Variants in RARB observed in about 807,000 individuals in gnomAD.
RARB encodes the protein HBV-activated protein.
A neutral mutation model predicts 51.9 loss-of-function variants in RARB; 17 were observed. That is an observed-to-expected ratio of 0.33 (90% CI 0.22 to 0.49). RARB has a LOEUF of 0.49. Among genes scored for constraint, RARB ranks in the 20% least tolerant of loss-of-function variants. RARB has a pLI of 0.99. For missense variants in RARB, 369 were observed against 550.8 expected (o/e 0.67, Z 3.30); for synonymous variants, 215 against 195.4 (o/e 1.10, Z -0.84).
At chr3:25,108,224 A>G (rs949617463) in intron 3 of RARB, among the ~76,000 whole-genome samples, 11 of 152,156 alleles carry the variant, frequency 7.2e-5, no homozygotes, top group African/African-American at 2.4e-4. Context: ...AACATTTTGG[A>G]CGATGGTTGA....
intron 3 of RARB, among the ~76,000 whole-genome samples, chr3:25,115,922 T>C (rs1699680476): frequency 6.6e-6 from 1 of 152,150 alleles, no homozygotes; most frequent in Non-Finnish European, 1.5e-5. Context: ...TGAGGCTCCA[T>C]GCCTGGCCCA....
At chr3:25,250,886 G>A (rs146868787) in intron 5 of RARB, among the ~76,000 whole-genome samples, 101 of 152,296 alleles carry the variant, frequency 6.6e-4, no homozygotes, top group African/African-American at 2.4e-3. Flanking sequence ...GGAGTCTGTG[G>A]TGGGAATCTG....
chr3:25,592,428 A>G (rs1446313442), intron 5 of RARB, among the ~76,000 whole-genome samples: 1 of 152,106 alleles, frequency 6.6e-6, no homozygotes, highest in Non-Finnish European at 1.5e-5. Flanking sequence ...AAGTATGGAA[A>G]CCTGGTCAGC....
intron 4 of RARB, among the ~76,000 whole-genome samples, chr3:25,155,483 T>C (rs1422134292): frequency 6.6e-6 from 1 of 152,196 alleles, no homozygotes; most frequent in Non-Finnish European, 1.5e-5. Context: ...AAACTATCCG[T>C]TTATGAAATA....
chr3:24,966,638 C>CTCTG (rs58610306), intron 2 of RARB, among the ~76,000 whole-genome samples: 5,801 of 150,540 alleles, frequency 0.039, 353 homozygotes, highest in African/African-American at 0.13. Context: ...CTCTCTCTCT[C>CTCTG]TCTCTCTGAA....
At chr3:25,556,521 A>C (rs1223844129) in intron 3 of RARB, among the ~76,000 whole-genome samples, 3 of 152,186 alleles carry the variant, frequency 2.0e-5, no homozygotes, top group Non-Finnish European at 4.4e-5. Flanking sequence ...AAAAAGCAAA[A>C]AGTTTTAAGA....
intron 2 of RARB, among the ~76,000 whole-genome samples, chr3:24,973,943 TC>T (rs1338429194): frequency 6.6e-6 from 1 of 152,108 alleles, no homozygotes; most frequent in Non-Finnish European, 1.5e-5. Flanking sequence ...GCCCTTTACT[TC>T]CTTCTCTTGC....
At position 25,586,141 on chromosome 3, in the gene RARB, A is replaced by G. The variant is rs575707172; in HGVS notation, c.786+5419A>G. On this transcript the variant is annotated intron_variant, in intron 5 of 7. Transcript: ENST00000330688. ...TCAGTCAAGCTCTTTCCTGACTCAGAGCCTTTTTACATCCCATTCCGTCTG... is the reference window on the plus strand; with the variant it reads ...TCAGTCAAGCTCTTTCCTGACTCAGGGCCTTTTTACATCCCATTCCGTCTG... 5.1e-4 allele frequency among the ~76,000 whole-genome samples: 78 copies of G among 152,140 alleles called. 1 individual carries two copies. Among genetic ancestry groups the G allele is most frequent in the African/African-American group, 1.9e-3 (78 of 41,524 alleles).
At chr3:25,109,706 C>T (rs1463273528) in intron 3 of RARB, among the ~76,000 whole-genome samples, 5 of 152,120 alleles carry the variant, frequency 3.3e-5, no homozygotes, top group Non-Finnish European at 5.9e-5. Flanking sequence ...GCAGGATAAC[C>T]AAAAAGCAGG....
chr3:25,274,400 A>G (rs1232338177), intron 5 of RARB, among the ~76,000 whole-genome samples: 2 of 152,132 alleles, frequency 1.3e-5, no homozygotes, highest in Non-Finnish European at 2.9e-5. Flanking sequence ...AGCACCTCAC[A>G]TGCTTATCCC....
intron 2 of RARB, among the ~76,000 whole-genome samples, chr3:24,959,429 C>A (rs1696090381): frequency 6.6e-6 from 1 of 152,160 alleles, no homozygotes; most frequent in African/African-American, 2.4e-5. Context: ...AAACTTCTCT[C>A]CGGTGTTCAG....
rs199605013 is a variant in RARB, at chr3:25,291,476, C to CTTTTTTT, written c.178+116913_178+116919dup. Among the ~76,000 whole-genome samples, 71 of 125,350 alleles carry CTTTTTTT rather than the reference C, an allele frequency of 5.7e-4. 1 individual carries two copies. Among genetic ancestry groups the CTTTTTTT allele is most frequent in the Non-Finnish European group, 8.0e-4 (48 of 59,738 alleles). 82.2% of individuals were successfully genotyped at this position (125,350 alleles called of 152,430 possible). A position where few individuals can be genotyped will look rare whatever the true frequency, so the allele number is the denominator to read the frequency against. ...TAAAAATGCTTGAGCCAGATGTTTG[C>CTTTTTTT]TTTTTTTTTTTTTTTTTTGAACACA... On this transcript the variant is annotated intron_variant, in intron 5 of 11. Transcript: ENST00000383772.
chr3:25,344,559 T>G (rs142166688), intron 5 of RARB, among the ~76,000 whole-genome samples: 1 of 152,178 alleles, frequency 6.6e-6, no homozygotes, highest in Non-Finnish European at 1.5e-5. Context: ...GTTGACAAAT[T>G]TTAAAGCACA....
intron 5 of RARB, among the ~76,000 whole-genome samples, chr3:25,241,773 C>T (rs747719225): frequency 1.3e-4 from 20 of 152,048 alleles, no homozygotes; most frequent in Non-Finnish European, 1.9e-4. Flanking sequence ...CATGTGCATA[C>T]GTGTGCATGT....
chr3:25,329,827 G>A (rs970769811), intron 5 of RARB, among the ~76,000 whole-genome samples: 1 of 152,166 alleles, frequency 6.6e-6, no homozygotes, highest in Non-Finnish European at 1.5e-5. Flanking sequence ...TAAATGGCCT[G>A]ATGGAGCTAA....
chr3:25,041,291 T>C (rs1317511152), intron 2 of RARB, among the ~76,000 whole-genome samples: 10 of 152,172 alleles, frequency 6.6e-5, no homozygotes, highest in Admixed American at 6.5e-4. Flanking sequence ...AGTTCTATAT[T>C]TGATGAATTT....
chr3:25,143,195 G>A (rs1700136894), intron 4 of RARB, among the ~76,000 whole-genome samples: 1 of 152,268 alleles, frequency 6.6e-6, no homozygotes, highest in Middle Eastern at 3.4e-3. Context: ...GTCTCTCAGA[G>A]TTTGTAATTT....
intron 5 of RARB, among the ~76,000 whole-genome samples, chr3:25,360,059 A>C (rs1253457010): frequency 6.6e-6 from 1 of 152,148 alleles, no homozygotes; most frequent in Admixed American, 6.5e-5. Context: ...TGATCTGTCT[A>C]ATATAGACAG....
At chr3:25,220,672 C>A (rs573469203) in intron 5 of RARB, among the ~76,000 whole-genome samples, 4 of 152,280 alleles carry the variant, frequency 2.6e-5, no homozygotes, top group African/African-American at 9.6e-5. Flanking sequence ...AGATGCCTGC[C>A]TCCCCTTTGC....
Sources: allele counts gnomAD v4.1 joint callset (sites outside exome capture counted in the v4.1 genomes callset), GRCh38; gene constraint gnomAD v4.1.1; transcripts MANE v1.5; gene names NCBI Gene and HGNC (gene_info 2026-07-23, HGNC 2026-07-21).